The following ALG8 variants were observed in gnomAD, a reference collection of about 807,000 sequenced individuals.
ALG8 encodes the protein ALG8 alpha-1,3-glucosyltransferase, also known as dolichyl pyrophosphate Glc1Man9GlcNAc2 alpha-1,3-glucosyltransferase.
ALG8 carries 48 observed loss-of-function variants against 70.2 expected under a neutral mutation model. The observed-to-expected ratio is 0.68, with a 90% confidence interval of 0.54 to 0.87. ALG8 has a LOEUF of 0.87. Ranked by LOEUF, ALG8 falls within the 40% of genes least tolerant of loss-of-function variation. ALG8 has a pLI of 0.00. For synonymous variants in ALG8, 234 were observed against 229.0 expected (o/e 1.02, Z -0.20); for missense variants, 572 against 608.7 (o/e 0.94, Z 0.64).
intron 1 of ALG8, among the ~76,000 whole-genome samples, chr11:78,132,603 A>G (rs1465450756): frequency 6.6e-6 from 1 of 152,108 alleles, no homozygotes; most frequent in Non-Finnish European, 1.5e-5. Flanking sequence ...GCCTTATCAT[A>G]GCTGCCCAAA....
At chr11:78,130,850 C>T (rs1225153424) in intron 1 of ALG8, among the ~76,000 whole-genome samples, 1 of 151,884 alleles carries the variant, frequency 6.6e-6, no homozygotes, top group Non-Finnish European at 1.5e-5. Context: ...ATGCTAGACA[C>T]CCTAGATTGA....
At chr11:78,119,385 T>A in intron 4 of ALG8, 136 bp from the exon 5 acceptor site, 1 of 646,084 alleles carries the variant, frequency 1.5e-6, no homozygotes, top group Non-Finnish European at 2.8e-6. Flanking sequence ...TGTGGACTGC[T>A]CATAAATATG....
intron 12 of ALG8, 45 bp downstream of exon 12, chr11:78,103,935 A>G: frequency 9.1e-7 from 1 of 1,103,252 alleles, no homozygotes; most frequent in East Asian, 2.4e-5. Flanking sequence ...TTAGGTGTAA[A>G]CATTTCACAA....
At chr11:78,112,881 G>T in intron 7 of ALG8, 111 bp from the exon 8 acceptor site, 5 of 1,350,448 alleles carry the variant, frequency 3.7e-6, no homozygotes, top group South Asian at 2.6e-5. Context: ...ATGGGGTCTG[G>T]GTTCTAGTAA....
chr11:78,132,174 G>A (rs1004567049), intron 1 of ALG8, among the ~76,000 whole-genome samples: 10 of 152,204 alleles, frequency 6.6e-5, no homozygotes, highest in Admixed American at 4.6e-4. Flanking sequence ...GTATGCAGCA[G>A]AGCCAGATTC....
intron 12 of ALG8, among the ~76,000 whole-genome samples, chr11:78,101,490 A>T (rs1332422208): frequency 6.6e-6 from 1 of 152,132 alleles, no homozygotes; most frequent in Non-Finnish European, 1.5e-5. Context: ...TTAGCCGACC[A>T]GGGTGGCACA....
At chr11:78,125,781 C>G (rs2136929394) in intron 2 of ALG8, among the ~76,000 whole-genome samples, 1 of 152,166 alleles carries the variant, frequency 6.6e-6, no homozygotes, top group African/African-American at 2.4e-5. Context: ...TGCACTCCGG[C>G]CTGGGTGAGA....
intron 1 of ALG8, among the ~76,000 whole-genome samples, chr11:78,133,140 T>A (rs1861379603): frequency 6.6e-6 from 1 of 152,156 alleles, no homozygotes; most frequent in Admixed American, 6.6e-5. Context: ...CAGCCTCTTC[T>A]TCCTAATACT....
At position 78,114,343 on chromosome 11, in the gene ALG8, T is replaced by C. The variant is rs1056348150; in HGVS notation, c.596A>G (p.Lys199Arg). The C allele has an allele frequency of 6.2e-7, 1 of 1,614,080 alleles. No individual in the cohort carries two copies. Among genetic ancestry groups the C allele is most frequent in the Non-Finnish European group, 8.5e-7 (1 of 1,179,986 alleles). ...AFLFAVLLHF[K>R]HIYLYVAPAY... ...TGGTGCTACATAGAGGTAGATATGC[T>C]TGAAATGTAGGAGAACAGCAAAGAG... The change falls in exon 6 of 13, where the codon AAG becomes AGG. Residue 199 changes from lysine to arginine, a missense_variant. Lys to Arg is a conservative substitution (Grantham distance 26). Transcript: ENST00000299626.
intron 10 of ALG8, among the ~76,000 whole-genome samples, chr11:78,105,705 C>CTTTT (rs201616826): frequency 1.5e-5 from 2 of 132,454 alleles, no homozygotes; most frequent in African/African-American, 2.6e-5. Context: ...TTTTAACTAT[C>CTTTT]TTTTTTTTTT....
chr11:78,105,362 T>C (rs1451087329), intron 10 of ALG8, among the ~76,000 whole-genome samples: 1 of 152,224 alleles, frequency 6.6e-6, no homozygotes, highest in East Asian at 1.9e-4. Context: ...AACTGGACAC[T>C]TACATTTAAA....
Position 78,127,255 on chromosome 11 carries a change from G to C in ALG8, c.174+103C>G, listed in dbSNP as rs375851694. On this transcript the variant is annotated intron_variant, in intron 2 of 12. Coordinates refer to ENST00000299626, the MANE Select transcript of ALG8 (RefSeq NM_024079.5). ...GCCTCCCAAAGTGCTGGGATTACAA[G>C]CGTGAGCCACCGCACCCAGCCAGAA... 5 of 1,070,830 alleles carry C rather than the reference G, an allele frequency of 4.7e-6. No individual in the cohort carries two copies. In the East Asian group the frequency reaches 1.3e-4, roughly 28 times the overall value. 66.3% of individuals were successfully genotyped at this position (1,070,830 alleles called of 1,614,324 possible).
chr11:78,126,457 G>A (rs1457032170), intron 2 of ALG8, among the ~76,000 whole-genome samples: 7 of 151,396 alleles, frequency 4.6e-5, no homozygotes, highest in African/African-American at 1.5e-4. Flanking sequence ...GCTTGAACCC[G>A]GGAGGCGGAG....
chr11:78,119,278 A>G (rs778020413), intron 4 of ALG8, 29 bp from the exon 5 acceptor site: 8 of 1,506,872 alleles, frequency 5.3e-6, no homozygotes, highest in Middle Eastern at 3.4e-4. Flanking sequence ...AAGACAACAG[A>G]GGACACCAAA....
At chr11:78,134,680 G>A (rs2136948933) in intron 1 of ALG8, among the ~76,000 whole-genome samples, 1 of 152,280 alleles carries the variant, frequency 6.6e-6, no homozygotes, top group South Asian at 2.1e-4. Flanking sequence ...TTCATTAGCA[G>A]AGTGCATCTC....
At chr11:78,113,716 C>CAA (rs1299736833) in intron 7 of ALG8, among the ~76,000 whole-genome samples, 170 bp downstream of exon 7, 5 of 11,828 alleles carry the variant, frequency 4.2e-4, no homozygotes, top group Non-Finnish European at 6.3e-4. Context: ...CCATCTTAAA[C>CAA]AAAAACAAAA....
intron 8 of ALG8, among the ~76,000 whole-genome samples, chr11:78,110,915 C>T (rs1860258467): frequency 6.6e-6 from 1 of 152,200 alleles, no homozygotes; most frequent in Non-Finnish European, 1.5e-5. Flanking sequence ...TTCAAAGACA[C>T]AAACATACAA....
chr11:78,133,492 C>A (rs1861395346), intron 1 of ALG8: 1 of 152,118 alleles, frequency 6.6e-6, no homozygotes, highest in Non-Finnish European at 1.5e-5. Flanking sequence ...CTGTATCATT[C>A]GATTTTAGTG....
chr11:78,119,134 A>G (rs779526652), intron 5 of ALG8, 48 bp downstream of exon 5: 1 of 1,467,318 alleles, frequency 6.8e-7, no homozygotes, highest in South Asian at 1.1e-5. Flanking sequence ...TTTACAATCT[A>G]AAAACTAATC....
Sources: allele counts gnomAD v4.1 joint callset (sites outside exome capture counted in the v4.1 genomes callset), GRCh38; gene constraint gnomAD v4.1.1; transcripts MANE v1.5; gene names NCBI Gene and HGNC (gene_info 2026-07-23, HGNC 2026-07-21).